Variants in USP34 observed in about 807,000 individuals in gnomAD.
USP34 encodes the protein ubiquitin carboxyl-terminal hydrolase 34.
In USP34, 70 loss-of-function variants were observed where a neutral mutation model predicts 460.3. The observed-to-expected ratio is 0.15, with a 90% CI of 0.13 to 0.19. The LOEUF (loss-of-function observed/expected upper bound fraction) is 0.19, where lower values mean the gene tolerates loss of function less well. USP34 is among the 10% of genes least tolerant of loss of function. USP34 has a pLI of 1.00. For synonymous variants in USP34, 1,647 were observed against 1,405.3 expected, an observed-to-expected ratio of 1.17 and a Z score of -3.85; for missense variants, 3,985 against 4,236.2, an observed-to-expected ratio of 0.94 and a Z score of 1.65.
intron 68 of USP34, among the ~76,000 whole-genome samples, chr2:61,212,312 T>A (rs184251474): frequency 3.3e-5 from 5 of 152,344 alleles, no homozygotes; most frequent in Admixed American, 3.3e-4. Context: ...TACAATTCAT[T>A]TTTAGTCTTA....
At chr2:61,373,862 GA>G (rs1281485824) in intron 8 of USP34, among the ~76,000 whole-genome samples, 1 of 152,122 alleles carries the variant, frequency 6.6e-6, no homozygotes, top group East Asian at 1.9e-4. Context: ...TTACAAAAGA[GA>G]AAATGGCGTG....
intron 74 of USP34, among the ~76,000 whole-genome samples, chr2:61,203,983 A>G (rs761625928): frequency 6.6e-6 from 1 of 151,936 alleles, no homozygotes; most frequent in Non-Finnish European, 1.5e-5. Context: ...TATATGACCC[A>G]GTTATAATTT....
At chr2:61,216,620 A>C (rs530698931) in intron 67 of USP34, among the ~76,000 whole-genome samples, 3 of 142,566 alleles carry the variant, frequency 2.1e-5, no homozygotes, top group Non-Finnish European at 4.6e-5. Flanking sequence ...AAAAAACAAA[A>C]AACAAAAAAA....
At chr2:61,224,480 C>T (rs577911508) in intron 62 of USP34, among the ~76,000 whole-genome samples, 1 of 152,294 alleles carries the variant, frequency 6.6e-6, no homozygotes, top group African/African-American at 2.4e-5. Context: ...GTGGTGACAA[C>T]TGCCTAGATC....
intron 2 of USP34, among the ~76,000 whole-genome samples, chr2:61,416,326 G>T (rs1198220158): frequency 6.6e-6 from 1 of 152,048 alleles, no homozygotes; most frequent in Non-Finnish European, 1.5e-5. Flanking sequence ...AAAAGTAAAA[G>T]CTTCAAACAT....
chr2:61,371,427 GTGTAT>G (rs1692621999), intron 8 of USP34, among the ~76,000 whole-genome samples: 1 of 140,782 alleles, frequency 7.1e-6, no homozygotes, highest in Non-Finnish European at 1.5e-5. Context: ...ACAGCTCCAT[GTGTAT>G]TATTAAAAAG....
intron 66 of USP34, 103 bp downstream of exon 66, chr2:61,221,399 T>C: frequency 9.5e-7 from 1 of 1,058,016 alleles, no homozygotes. Flanking sequence ...ACTAAAACCA[T>C]CTTGGGGTAA....
intron 51 of USP34, among the ~76,000 whole-genome samples, chr2:61,244,405 AG>A (rs1359920462): frequency 6.6e-6 from 1 of 152,136 alleles, no homozygotes; most frequent in Non-Finnish European, 1.5e-5. Flanking sequence ...ACTTGGGTTC[AG>A]GGGTTTGAGA....
chr2:61,265,322 T>C (rs987010158), intron 43 of USP34, 75 bp downstream of exon 43: 164 of 1,484,898 alleles, frequency 1.1e-4, no homozygotes, highest in Non-Finnish European at 1.3e-4. Flanking sequence ...ATTTACTACA[T>C]TGAAATAAAA....
At chr2:61,238,122 C>A (rs1476091040) in intron 53 of USP34, among the ~76,000 whole-genome samples, 1 of 152,024 alleles carries the variant, frequency 6.6e-6, no homozygotes, top group African/African-American at 2.4e-5. Flanking sequence ...TCTCGAACTG[C>A]TGACCTCAAG....
intron 43 of USP34, among the ~76,000 whole-genome samples, chr2:61,261,054 C>A (rs1211201091): frequency 6.6e-6 from 1 of 152,118 alleles, no homozygotes; most frequent in Non-Finnish European, 1.5e-5. Context: ...AGAAATTAAA[C>A]CCTTATGCAT....
At chr2:61,373,594 C>T (rs949345224) in intron 8 of USP34, among the ~76,000 whole-genome samples, 4 of 152,236 alleles carry the variant, frequency 2.6e-5, no homozygotes, top group South Asian at 2.1e-4. Flanking sequence ...ACCAGGAATA[C>T]ATATGGACCT....
Position 61,187,936 on chromosome 2 carries a change from T to C in USP34, c.*166A>G, listed in dbSNP as rs1004291637. ...AGTATACTGAAGATGCAAGTTTTTT[T>C]CATCTGGAGTTCTGCCTGACCAAGA... On this transcript the variant is annotated 3_prime_UTR_variant, in exon 80 of 80. Transcript: ENST00000398571. The C allele has an allele frequency of 1.5e-5, 22 of 1,432,440 alleles. No homozygotes were observed. The Admixed American group carries it at 6.8e-4, about 44-fold the overall frequency. The allele number at this position is 1,432,440 out of a possible 1,614,324, so 88.7% of individuals were successfully genotyped here. A position where few individuals can be genotyped will look rare whatever the true frequency, so the allele number is the denominator to read the frequency against.
At chr2:61,406,314 G>A (rs3755301) in intron 2 of USP34, among the ~76,000 whole-genome samples, 186 bp from the exon 3 acceptor site, 1 of 152,056 alleles carries the variant, frequency 6.6e-6, no homozygotes, top group East Asian at 1.9e-4. Context: ...TTTAGTTAGT[G>A]TAAAGTCATC....
chr2:61,231,574 G>T (rs1477970414), intron 58 of USP34, among the ~76,000 whole-genome samples: 7 of 152,124 alleles, frequency 4.6e-5, no homozygotes, highest in Admixed American at 4.6e-4. Context: ...AATTAGCCAG[G>T]TGTGGTGGTG....
intron 16 of USP34, among the ~76,000 whole-genome samples, chr2:61,342,841 T>C (rs537756473): frequency 2.6e-5 from 4 of 152,224 alleles, no homozygotes; most frequent in South Asian, 4.1e-4. Flanking sequence ...CAGTAAAAAA[T>C]AGGTAAAATA....
At chr2:61,251,655 T>C (rs1688585056) in intron 48 of USP34, among the ~76,000 whole-genome samples, 1 of 152,242 alleles carries the variant, frequency 6.6e-6, no homozygotes, top group Non-Finnish European at 1.5e-5. Flanking sequence ...TTCCTATCCT[T>C]TGTCCTCAAC....
chr2:61,349,339 T>G, intron 12 of USP34, 54 bp from the exon 13 acceptor site: 1 of 1,561,726 alleles, frequency 6.4e-7, no homozygotes, highest in African/African-American at 1.4e-5. Flanking sequence ...TCAGCTTCTT[T>G]GAGACAGCGT....
chr2:61,322,503 G>C (rs1331580265), intron 21 of USP34, among the ~76,000 whole-genome samples: 1 of 152,176 alleles, frequency 6.6e-6, no homozygotes, highest in Non-Finnish European at 1.5e-5. Flanking sequence ...CAAAAGGTTA[G>C]AACAAAACAT....
Sources: allele counts gnomAD v4.1 joint callset (sites outside exome capture counted in the v4.1 genomes callset), GRCh38; gene constraint gnomAD v4.1.1; transcripts MANE v1.5; gene names NCBI Gene and HGNC (gene_info 2026-07-23, HGNC 2026-07-21).